DCC: variants seen among roughly 807,000 people sequenced by gnomAD.
DCC encodes netrin receptor DCC.
Under a neutral mutation model 172.5 loss-of-function variants are expected in DCC, and 58 were observed. The ratio of observed to expected loss-of-function variants is 0.34; its 90% CI spans 0.27 to 0.42. The LOEUF is 0.42. Among genes scored for constraint, DCC ranks in the 10% least tolerant of loss-of-function variants. The probability of loss-of-function intolerance (pLI) is 1.00; values close to 1 mark genes in which losing one functional copy is unlikely to be tolerated. For missense variants in DCC, 1,740 were observed against 1,791.0 expected (o/e 0.97, Z 0.51); for synonymous variants, 709 against 644.5 (o/e 1.10, Z -1.52).
At chr18:52,655,124 A>G (rs1256573542) in intron 1 of DCC, among the ~76,000 whole-genome samples, 3 of 152,060 alleles carry the variant, frequency 2.0e-5, no homozygotes, top group Non-Finnish European at 4.4e-5. Flanking sequence ...GCCTTTATTT[A>G]TGTATTTTTT....
chr18:52,931,815 C>A (rs934948938), intron 5 of DCC: 1 of 151,986 alleles, frequency 6.6e-6, no homozygotes, highest in Non-Finnish European at 1.5e-5. Context: ...TTGGTGGACA[C>A]CTTTTGGGTA....
At chr18:53,476,509 T>G (rs1568157106) in intron 25 of DCC, among the ~76,000 whole-genome samples, 1 of 152,236 alleles carries the variant, frequency 6.6e-6, no homozygotes. Context: ...ACAAGCCCTC[T>G]TCTCTTTTCT....
chr18:53,256,587 C>G (rs533291883), intron 12 of DCC, among the ~76,000 whole-genome samples: 1 of 152,096 alleles, frequency 6.6e-6, no homozygotes, highest in South Asian at 2.1e-4. Flanking sequence ...GTTTTGGTAC[C>G]AGTACCATGC....
intron 1 of DCC, among the ~76,000 whole-genome samples, chr18:52,489,044 C>A (rs747090944): frequency 1.3e-5 from 2 of 152,002 alleles, no homozygotes; most frequent in Non-Finnish European, 2.9e-5. Flanking sequence ...ATACACACAT[C>A]GATCTCCTAC....
chr18:52,424,355 C>G (rs1987352126), intron 1 of DCC, among the ~76,000 whole-genome samples: 1 of 152,126 alleles, frequency 6.6e-6, no homozygotes, highest in South Asian at 2.1e-4. Flanking sequence ...CTTTCTAACT[C>G]TAAAGTTCAA....
intron 12 of DCC, among the ~76,000 whole-genome samples, chr18:53,233,082 A>G (rs181273741): frequency 2.6e-5 from 4 of 152,228 alleles, no homozygotes; most frequent in Non-Finnish European, 4.4e-5. Context: ...TTTATCTCAT[A>G]TAGTCCTGAT....
chr18:52,863,325 AT>A (rs2039172975), intron 2 of DCC, among the ~76,000 whole-genome samples: 1 of 151,818 alleles, frequency 6.6e-6, no homozygotes, highest in South Asian at 2.1e-4. Flanking sequence ...CATAACCCTA[AT>A]TTTCAGTGAA....
chr18:53,253,601 G>A (rs146813769), intron 12 of DCC, among the ~76,000 whole-genome samples: 1 of 152,074 alleles, frequency 6.6e-6, no homozygotes, highest in East Asian at 1.9e-4. Context: ...TCTCTAAGCA[G>A]TTGAAAATAC....
At chr18:53,165,855 G>C (rs376604313) in intron 8 of DCC, among the ~76,000 whole-genome samples, 1 of 152,174 alleles carries the variant, frequency 6.6e-6, no homozygotes. Context: ...CACACACTTA[G>C]TTAAGAGCTT....
chr18:52,684,199 C>T (rs2035792703), intron 1 of DCC, among the ~76,000 whole-genome samples: 1 of 152,030 alleles, frequency 6.6e-6, no homozygotes, highest in South Asian at 2.1e-4. Context: ...AGGTTATATT[C>T]TGTGGATATC....
At chr18:53,087,150 A>T (rs1156693464) in intron 7 of DCC, among the ~76,000 whole-genome samples, 1 of 152,090 alleles carries the variant, frequency 6.6e-6, no homozygotes, top group Admixed American at 6.5e-5. Flanking sequence ...TGGTATTTCT[A>T]GTCCTAGATC....
Position 52,645,698 on chromosome 18 carries a change from T to C in DCC, c.92-106356T>C, listed in dbSNP as rs376309200. On this transcript the variant is annotated intron_variant, in intron 1 of 28. Coordinates refer to ENST00000442544, the MANE Select transcript of DCC (RefSeq NM_005215.4). ...AAAATAAAAAAAAATTATTGACTTC[T>C]ATCTTAAGTATACATCTACCATGCA... 7.2e-5 allele frequency among the ~76,000 whole-genome samples: 11 copies of C among 152,332 alleles called. No individual in the cohort carries two copies. In the East Asian group the frequency reaches 9.6e-4, roughly 13 times the overall value.
chr18:53,527,201 T>TGA, intron 28 of DCC, among the ~76,000 whole-genome samples: 1 of 150,124 alleles, frequency 6.7e-6, no homozygotes, highest in Admixed American at 6.6e-5. Flanking sequence ...TAACTCTTCT[T>TGA]CTTCCTTTTT....
At chr18:52,981,352 A>T (rs1264585990) in intron 5 of DCC, among the ~76,000 whole-genome samples, 1 of 152,106 alleles carries the variant, frequency 6.6e-6, no homozygotes, top group East Asian at 1.9e-4. Context: ...TACATGTGTT[A>T]AATTGCCTCT....
intron 7 of DCC, among the ~76,000 whole-genome samples, chr18:53,145,030 T>G (rs1358704692): frequency 6.6e-6 from 1 of 151,418 alleles, no homozygotes; most frequent in Non-Finnish European, 1.5e-5. Flanking sequence ...AAAATTCATG[T>G]TGAAACTTAA....
At chr18:52,847,132 C>A (rs2038907088) in intron 2 of DCC, among the ~76,000 whole-genome samples, 1 of 152,290 alleles carries the variant, frequency 6.6e-6, no homozygotes, top group Middle Eastern at 3.4e-3. Context: ...CTTCCTGTAA[C>A]ATACACCTAG....
intron 1 of DCC, among the ~76,000 whole-genome samples, chr18:52,699,732 T>C (rs969133315): frequency 4.6e-5 from 7 of 152,322 alleles, no homozygotes; most frequent in African/African-American, 1.7e-4. Context: ...TTACTTTGTA[T>C]CATAGTTCTA....
At chr18:53,104,439 C>G (rs1428042383) in intron 7 of DCC, among the ~76,000 whole-genome samples, 1 of 151,980 alleles carries the variant, frequency 6.6e-6, no homozygotes, top group East Asian at 1.9e-4. Flanking sequence ...CTACTGCCAT[C>G]CATGTAAGAT....
intron 15 of DCC, among the ~76,000 whole-genome samples, chr18:53,369,263 AT>A (rs1488810718): frequency 2.6e-5 from 4 of 151,802 alleles, no homozygotes; most frequent in African/African-American, 7.2e-5. Flanking sequence ...AACACAACTG[AT>A]TTTTTGTGTT....
Sources: allele counts gnomAD v4.1 joint callset (sites outside exome capture counted in the v4.1 genomes callset), GRCh38; gene constraint gnomAD v4.1.1; transcripts MANE v1.5; gene names NCBI Gene and HGNC (gene_info 2026-07-23, HGNC 2026-07-21).